COP1: variants seen among roughly 807,000 people sequenced by gnomAD.
The protein encoded by COP1 is E3 ubiquitin-protein ligase COP1.
A neutral mutation model predicts 101.3 loss-of-function variants in COP1; 24 were observed. The observed-to-expected ratio is 0.24, with a 90% CI of 0.17 to 0.33. The LOEUF (loss-of-function observed/expected upper bound fraction) is 0.33. COP1 is among the 10% of genes least tolerant of loss of function. COP1 has a pLI of 1.00. For synonymous variants in COP1, 347 were observed against 341.9 expected, an observed-to-expected ratio of 1.01 and a Z score of -0.17; for missense variants, 663 against 906.2, an observed-to-expected ratio of 0.73 and a Z score of 3.45.
At position 175,944,925 on chromosome 1, in the gene COP1, G is replaced by A. The variant is rs772875580; in HGVS notation, c.*228C>T. The stretch of plus-strand genomic sequence containing the variant: ...AAATTAGATAACACCACCAAGAGCA[G>A]CAATGTCCATGGAGTTACATTGATG... On this transcript the variant is annotated 3_prime_UTR_variant, in exon 20 of 20. Coordinates refer to ENST00000367669, the MANE Select transcript of COP1 (RefSeq NM_022457.7). 18 of 460,234 alleles carry A rather than the reference G, an allele frequency of 3.9e-5. No homozygotes were observed. The highest frequency in any genetic ancestry group is 6.2e-5 in the African/African-American group (3 of 48,614). The allele number at this position is 460,234 out of a possible 1,614,324, so 28.5% of individuals were successfully genotyped here.
intron 18 of COP1, among the ~76,000 whole-genome samples, chr1:175,949,251 T>G (rs1366547701): frequency 7.2e-6 from 1 of 138,174 alleles, no homozygotes; most frequent in Non-Finnish European, 1.5e-5. Flanking sequence ...TATGGGCTAT[T>G]TCTGGGACTT....
chr1:175,954,201 A>T (rs1254049369), intron 18 of COP1, among the ~76,000 whole-genome samples: 1 of 152,224 alleles, frequency 6.6e-6, no homozygotes, highest in Non-Finnish European at 1.5e-5. Flanking sequence ...TAACCCAGGG[A>T]TGGAAATGAG....
At chr1:176,095,209 A>G (rs1186786726) in intron 9 of COP1, among the ~76,000 whole-genome samples, 1 of 152,228 alleles carries the variant, frequency 6.6e-6, no homozygotes, top group East Asian at 1.9e-4. Flanking sequence ...TAACTATTAA[A>G]CCCATACACA....
At chr1:176,115,884 A>G (rs1356483262) in intron 9 of COP1, among the ~76,000 whole-genome samples, 1 of 152,220 alleles carries the variant, frequency 6.6e-6, no homozygotes, top group African/African-American at 2.4e-5. Flanking sequence ...AACTAATTCA[A>G]AGAAGTCAAG....
chr1:176,138,922 T>TA (rs1690212126), intron 6 of COP1, among the ~76,000 whole-genome samples: 1 of 152,162 alleles, frequency 6.6e-6, no homozygotes, highest in Non-Finnish European at 1.5e-5. Flanking sequence ...TTAACTACCT[T>TA]AAAATGTTCC....
chr1:175,980,390 T>C (rs1655555567), intron 18 of COP1, among the ~76,000 whole-genome samples: 1 of 127,516 alleles, frequency 7.8e-6, no homozygotes, highest in East Asian at 2.0e-4. Context: ...TAGTTCAATG[T>C]TTCAGAATAG....
Position 175,987,075 on chromosome 1 carries a change from G to A in COP1, c.2001C>T (p.Tyr667=), listed in dbSNP as rs1310378603. The change falls in exon 18 of 20, where the codon TAC becomes TAT. Residue 667 remains tyrosine (Y), a synonymous_variant. Transcript: ENST00000367669. ...GCAAAGTCTTAGAAAGTCCTTTATA[G>A]TACAGGTAGAGAGAGTTATTTTCAC... ...CGSENNSLYL[Y]YKGLSKTLLT... is the part of the protein sequence containing the mutation. 6.5e-6 allele frequency: 10 copies of A among 1,547,800 alleles called. No individual in the cohort carries two copies. Among genetic ancestry groups the A allele is most frequent in the East Asian group, 2.3e-5 (1 of 44,328 alleles).
chr1:175,997,467 C>A (rs1040313388), intron 15 of COP1, among the ~76,000 whole-genome samples: 1 of 151,880 alleles, frequency 6.6e-6, no homozygotes, highest in Non-Finnish European at 1.5e-5. Context: ...AGGCAACCTA[C>A]AAAATGGGAG....
chr1:176,184,443 T>G (rs552589360), intron 2 of COP1, among the ~76,000 whole-genome samples, 190 bp downstream of exon 2: 1 of 152,238 alleles, frequency 6.6e-6, no homozygotes, highest in South Asian at 2.1e-4. Context: ...TCTAAACATT[T>G]GACAGAAATT....
chr1:176,130,939 T>A (rs143633426), intron 8 of COP1, among the ~76,000 whole-genome samples: 1 of 151,786 alleles, frequency 6.6e-6, no homozygotes, highest in East Asian at 1.9e-4. Flanking sequence ...CTGCCCCTAA[T>A]TTTTTAGGGA....
At chr1:176,168,771 C>A in intron 3 of COP1, 2 of 243,434 alleles carry the variant, frequency 8.2e-6, no homozygotes, top group Non-Finnish European at 1.7e-5. Context: ...AAGGGAGAAA[C>A]AGAAGAGAAT....
chr1:176,099,014 T>G (rs1198134815), intron 9 of COP1, among the ~76,000 whole-genome samples: 1 of 152,218 alleles, frequency 6.6e-6, no homozygotes, highest in African/African-American at 2.4e-5. Context: ...TTCCAAAAAT[T>G]CTAATGTCTA....
At chr1:176,048,333 C>T (rs769263851) in intron 11 of COP1, among the ~76,000 whole-genome samples, 1 of 151,030 alleles carries the variant, frequency 6.6e-6, no homozygotes, top group Non-Finnish European at 1.5e-5. Context: ...AGACATGGTG[C>T]CCAGCCAATT....
At chr1:176,191,951 T>A (rs1002446187) in intron 1 of COP1, among the ~76,000 whole-genome samples, 4 of 152,118 alleles carry the variant, frequency 2.6e-5, no homozygotes, top group Non-Finnish European at 5.9e-5. Flanking sequence ...TAAAATATTT[T>A]TTAAATAAGG....
chr1:176,078,219 G>T (rs1403935165), intron 11 of COP1, among the ~76,000 whole-genome samples: 2 of 152,090 alleles, frequency 1.3e-5, no homozygotes, highest in Admixed American at 1.3e-4. Flanking sequence ...ATACCTGGAG[G>T]CATCACACTA....
In COP1 at chr1:176,138,942, AT is replaced by A. The variant is rs1380035333; in HGVS notation, c.832-2396del. Reference sequence around the variant, plus strand: ...TACCTTAAAATGTTCCACTCTTGAAATTTTTATTTAAACAAATGCTTTACTA... The same window carrying A: ...TACCTTAAAATGTTCCACTCTTGAAATTTTATTTAAACAAATGCTTTACTA... On this transcript the variant is annotated intron_variant, in intron 6 of 19. Transcript: ENST00000367669. Among the ~76,000 whole-genome samples, 6 of 152,190 alleles carry A rather than the reference AT, an allele frequency of 3.9e-5. No individual in the cohort carries two copies. The East Asian group carries it at 1.2e-3, about 29-fold the overall frequency.
intron 9 of COP1, among the ~76,000 whole-genome samples, chr1:176,098,643 G>T (rs957195770): frequency 3.3e-5 from 5 of 152,176 alleles, no homozygotes; most frequent in African/African-American, 1.2e-4. Flanking sequence ...TACTCTTAAG[G>T]AACTAATCTG....
chr1:176,199,025 T>A (rs1338970774), intron 1 of COP1, among the ~76,000 whole-genome samples: 2 of 152,028 alleles, frequency 1.3e-5, no homozygotes, highest in African/African-American at 2.4e-5. Flanking sequence ...CTGGTAGAAA[T>A]GCAAAATGGT....
At chr1:176,103,133 G>A (rs931132253) in intron 9 of COP1, among the ~76,000 whole-genome samples, 2 of 152,072 alleles carry the variant, frequency 1.3e-5, no homozygotes, top group Non-Finnish European at 2.9e-5. Flanking sequence ...AACCCATTAG[G>A]GTGTTACAGT....
Sources: allele counts gnomAD v4.1 joint callset (sites outside exome capture counted in the v4.1 genomes callset), GRCh38; gene constraint gnomAD v4.1.1; transcripts MANE v1.5; gene names NCBI Gene and HGNC (gene_info 2026-07-23, HGNC 2026-07-21).